The following SHANK2 variants were observed in gnomAD, a reference collection of about 807,000 sequenced individuals.
SHANK2 encodes SH3 and multiple ankyrin repeat domains protein 2.
Under a neutral mutation model 133.7 loss-of-function variants are expected in SHANK2, and 43 were observed. That is an observed-to-expected ratio of 0.32 (90% CI 0.25 to 0.41). SHANK2 has a LOEUF of 0.41. Ranked by LOEUF, SHANK2 falls within the 10% of genes least tolerant of loss-of-function variation. The probability of loss-of-function intolerance (pLI) is 1.00; values close to 1 mark genes in which losing one functional copy is unlikely to be tolerated. For synonymous variants in SHANK2, 1,017 were observed against 952.8 expected, an observed-to-expected ratio of 1.07 and a Z score of -1.24; for missense variants, 1,994 against 2,235.8, an observed-to-expected ratio of 0.89 and a Z score of 2.18.
chr11:70,874,676 A>AG (rs1448855154), intron 11 of SHANK2, among the ~76,000 whole-genome samples: 1 of 142,360 alleles, frequency 7.0e-6, no homozygotes, highest in Non-Finnish European at 1.5e-5. Flanking sequence ...GCATTTACTA[A>AG]AAAAAAAAAA....
rs891366780 is a variant in SHANK2, at chr11:70,798,684, G to A, written c.1664-128C>T. On this transcript the variant is annotated intron_variant, in intron 13 of 25. Coordinates refer to ENST00000601538, the MANE Select transcript of SHANK2 (RefSeq NM_012309.5). ...CCCTGGCCAGGCCTGCAGAGCAAGC[G>A]GCTCTGGTGTGACTGCACTTCCTTC... The A allele has an allele frequency of 3.3e-5, 21 of 639,580 alleles. No homozygotes were observed. In the Middle Eastern group the frequency reaches 7.5e-4, roughly 23 times the overall value. 39.6% of individuals were successfully genotyped at this position (639,580 alleles called of 1,614,324 possible).
At chr11:70,714,743 C>T (rs1945871075) in intron 14 of SHANK2, among the ~76,000 whole-genome samples, 1 of 152,134 alleles carries the variant, frequency 6.6e-6, no homozygotes, top group Admixed American at 6.5e-5. Context: ...TGGCTACATC[C>T]TCCCTACGGC....
intron 14 of SHANK2, among the ~76,000 whole-genome samples, chr11:70,797,778 C>T (rs10400268): frequency 0.015 from 2,252 of 151,578 alleles, 61 homozygotes; most frequent in African/African-American, 0.052. Flanking sequence ...CGTTCACATG[C>T]GGACTGCTTT....
chr11:71,134,031 G>A (rs530262141), intron 3 of SHANK2, among the ~76,000 whole-genome samples: 6 of 151,096 alleles, frequency 4.0e-5, no homozygotes, highest in South Asian at 2.1e-4. Flanking sequence ...CACTGCACCC[G>A]GCTACATTCG....
chr11:71,117,959 G>A (rs779749228), intron 4 of SHANK2, among the ~76,000 whole-genome samples: 3 of 152,206 alleles, frequency 2.0e-5, no homozygotes, highest in Non-Finnish European at 4.4e-5. Context: ...GTTTATGGAG[G>A]GCAGTCTTAT....
At chr11:71,187,055 C>T (rs1555114577) in intron 2 of SHANK2, among the ~76,000 whole-genome samples, 1 of 152,238 alleles carries the variant, frequency 6.6e-6, no homozygotes, top group Non-Finnish European at 1.5e-5. Flanking sequence ...TAAGGGGACC[C>T]TGAAGGCTTG....
chr11:71,179,405 AAC>A (rs1373846812), intron 2 of SHANK2, among the ~76,000 whole-genome samples: 1 of 152,252 alleles, frequency 6.6e-6, no homozygotes, highest in Non-Finnish European at 1.5e-5. Context: ...CATAAAATCT[AAC>A]ACAGATTCAG....
At chr11:70,929,869 C>T (rs1555082215) in intron 10 of SHANK2, among the ~76,000 whole-genome samples, 1 of 152,160 alleles carries the variant, frequency 6.6e-6, no homozygotes, top group African/African-American at 2.4e-5. Context: ...ACTACAGAAA[C>T]GTGAGCTTTA....
intron 2 of SHANK2, among the ~76,000 whole-genome samples, chr11:71,154,239 G>A (rs1952856584): frequency 6.6e-6 from 1 of 152,170 alleles, no homozygotes; most frequent in Non-Finnish European, 1.5e-5. Context: ...GGGGTCAAAC[G>A]GCTGCAGGAC....
intron 17 of SHANK2, among the ~76,000 whole-genome samples, chr11:70,547,270 C>CT (rs1264458502): frequency 5.9e-5 from 9 of 152,004 alleles, no homozygotes; most frequent in South Asian, 4.2e-4. Context: ...TTATTAACAA[C>CT]TTTTTTTTGA....
intron 6 of SHANK2, among the ~76,000 whole-genome samples, chr11:71,098,943 C>T (rs993642441): frequency 3.9e-5 from 6 of 152,106 alleles, no homozygotes; most frequent in Non-Finnish European, 7.4e-5. Flanking sequence ...CTGATGGACA[C>T]GAGCTCAGCC....
chr11:71,141,883 A>T (rs1952560389), intron 3 of SHANK2, among the ~76,000 whole-genome samples: 1 of 152,172 alleles, frequency 6.6e-6, no homozygotes, highest in South Asian at 2.1e-4. Context: ...GACAGGCAGA[A>T]ATGTCAGGGA....
chr11:71,148,402 A>G (rs782752232), intron 2 of SHANK2, among the ~76,000 whole-genome samples: 10 of 152,200 alleles, frequency 6.6e-5, no homozygotes, highest in African/African-American at 1.9e-4. Flanking sequence ...GCTCTTAAGA[A>G]GGACACAGAA....
chr11:70,658,207 CAACA>C (rs1376670514), intron 17 of SHANK2, among the ~76,000 whole-genome samples: 2 of 82,226 alleles, frequency 2.4e-5, no homozygotes, highest in Non-Finnish European at 2.6e-5. Flanking sequence ...CACGCCCCCC[CAACA>C]CACACACACA....
chr11:70,637,474 G>A (rs1555004733), intron 17 of SHANK2, among the ~76,000 whole-genome samples: 2 of 152,098 alleles, frequency 1.3e-5, no homozygotes, highest in Non-Finnish European at 2.9e-5. Context: ...CTCTCCTCCT[G>A]CGGTGCAGAA....
chr11:71,156,020 C>T (rs559833927), intron 2 of SHANK2, among the ~76,000 whole-genome samples: 157 of 152,318 alleles, frequency 1.0e-3, no homozygotes, highest in African/African-American at 3.7e-3. Context: ...CAAGGGGCAC[C>T]TGGGGGTGCA....
intron 9 of SHANK2, among the ~76,000 whole-genome samples, chr11:71,073,726 A>G (rs1951181195): frequency 6.6e-6 from 1 of 152,030 alleles, no homozygotes; most frequent in South Asian, 2.1e-4. Flanking sequence ...CGGCCTCCCA[A>G]AGCACTGGGA....
chr11:70,549,635 G>A (rs138733444), intron 17 of SHANK2, among the ~76,000 whole-genome samples: 14 of 152,272 alleles, frequency 9.2e-5, no homozygotes, highest in African/African-American at 3.1e-4. Flanking sequence ...CCCCGGCCAG[G>A]GACTGGGGAG....
chr11:70,890,631 C>G (rs1949825971), intron 11 of SHANK2, among the ~76,000 whole-genome samples: 1 of 151,832 alleles, frequency 6.6e-6, no homozygotes, highest in East Asian at 1.9e-4. Flanking sequence ...GAAACCCCAT[C>G]TCTACTAAAA....
Sources: gnomAD v4.1 joint callset for allele counts (sites outside exome capture counted in the v4.1 genomes callset) on GRCh38, gnomAD v4.1.1 for gene constraint, MANE v1.5 for transcripts, NCBI Gene and HGNC (gene_info 2026-07-23, HGNC 2026-07-21) for gene names.